Variants in BMPR1B observed in about 807,000 individuals in gnomAD.
BMPR1B encodes the protein bone morphogenetic protein receptor type-1B.
A neutral mutation model predicts 59.1 loss-of-function variants in BMPR1B; 12 were observed. The ratio of observed to expected loss-of-function variants is 0.20; its 90% CI spans 0.13 to 0.33. The LOEUF is 0.33. BMPR1B is among the 10% of genes least tolerant of loss of function. The pLI is 1.00. For missense variants in BMPR1B, 550 were observed against 610.9 expected, an observed-to-expected ratio of 0.90 and a Z score of 1.05; for synonymous variants, 237 against 207.3, an observed-to-expected ratio of 1.14 and a Z score of -1.23.
Position 94,823,993 on chromosome 4 carries a change from G to A in BMPR1B, c.-182-51838G>A, listed in dbSNP as rs549921560. Among the ~76,000 whole-genome samples, 5 of 152,236 alleles carry A rather than the reference G, an allele frequency of 3.3e-5. No individual in the cohort carries two copies. The East Asian group carries it at 5.8e-4, about 18-fold the overall frequency. On this transcript the variant is annotated intron_variant, in intron 1 of 12. Transcript: ENST00000515059. ...AATCTCCTGACCTTGCGATCCACCC[G>A]CCTTGGCCTCCCAAAGTGCTGGGAT...
chr4:94,839,347 G>T (rs1458878549), intron 1 of BMPR1B, among the ~76,000 whole-genome samples: 3 of 145,430 alleles, frequency 2.1e-5, no homozygotes, highest in Non-Finnish European at 3.0e-5. Context: ...TCTGTCTAAT[G>T]TTGACAGTGG....
chr4:95,128,182 A>T (rs1733044892), intron 8 of BMPR1B, among the ~76,000 whole-genome samples: 1 of 152,136 alleles, frequency 6.6e-6, no homozygotes, highest in African/African-American at 2.4e-5. Flanking sequence ...CACCGTGCCC[A>T]GACCTAATCC....
chr4:95,035,889 A>G (rs1725206249), intron 3 of BMPR1B, among the ~76,000 whole-genome samples: 1 of 152,192 alleles, frequency 6.6e-6, no homozygotes, highest in Non-Finnish European at 1.5e-5. Context: ...CATTTTCACA[A>G]TATTGATTCT....
chr4:94,797,089 A>T (rs1325004321), intron 1 of BMPR1B, among the ~76,000 whole-genome samples: 1 of 152,192 alleles, frequency 6.6e-6, no homozygotes, highest in East Asian at 1.9e-4. Context: ...AGAATCATGT[A>T]GAGGGTGAAG....
At chr4:94,849,959 TTTG>T (rs1290864570) in intron 1 of BMPR1B, among the ~76,000 whole-genome samples, 2 of 152,110 alleles carry the variant, frequency 1.3e-5, no homozygotes, top group Non-Finnish European at 2.9e-5. Flanking sequence ...TCTCTCTCCA[TTTG>T]TTCCAACCCT....
At chr4:94,975,762 A>G (rs190408252) in intron 2 of BMPR1B, among the ~76,000 whole-genome samples, 1 of 152,342 alleles carries the variant, frequency 6.6e-6, no homozygotes, top group East Asian at 1.9e-4. Context: ...CCAAAGATTT[A>G]TAGACAATGT....
intron 3 of BMPR1B, among the ~76,000 whole-genome samples, chr4:95,085,055 G>T (rs941067828): frequency 2.4e-4 from 37 of 152,270 alleles, no homozygotes; most frequent in African/African-American, 8.9e-4. Flanking sequence ...CTAAGCACAG[G>T]CATCTCAGGT....
At chr4:94,780,048 C>G (rs1722529973) in intron 1 of BMPR1B, among the ~76,000 whole-genome samples, 1 of 152,000 alleles carries the variant, frequency 6.6e-6, no homozygotes, top group Admixed American at 6.6e-5. Context: ...AGGATAGACT[C>G]AATTTGATCA....
At chr4:94,950,228 C>T (rs562143321) in intron 2 of BMPR1B, among the ~76,000 whole-genome samples, 4 of 152,090 alleles carry the variant, frequency 2.6e-5, no homozygotes, top group Non-Finnish European at 4.4e-5. Context: ...TTCTCCCATT[C>T]TGTAGGTTGC....
chr4:94,909,970 A>G (rs1728211000), intron 2 of BMPR1B, among the ~76,000 whole-genome samples: 4 of 152,066 alleles, frequency 2.6e-5, no homozygotes, highest in Non-Finnish European at 2.9e-5. Flanking sequence ...TTGTTTGCCA[A>G]CACCCTCATA....
intron 1 of BMPR1B, among the ~76,000 whole-genome samples, chr4:94,792,374 A>G (rs544771598): frequency 2.6e-4 from 39 of 152,126 alleles, no homozygotes; most frequent in Non-Finnish European, 4.1e-4. Context: ...CAGTTATTAG[A>G]TGGCTGCAGT....
intron 3 of BMPR1B, among the ~76,000 whole-genome samples, chr4:94,997,759 C>T (rs1422588403): frequency 6.6e-6 from 1 of 152,088 alleles, no homozygotes; most frequent in African/African-American, 2.4e-5. Flanking sequence ...ATCTAACTGG[C>T]TAAGTTCATC....
chr4:94,970,325 T>TC (rs1730739292), intron 2 of BMPR1B, among the ~76,000 whole-genome samples: 3 of 149,110 alleles, frequency 2.0e-5, no homozygotes, highest in African/African-American at 4.9e-5. Context: ...TCTTTCTCTC[T>TC]TTTTCTCTTT....
At chr4:95,132,159 G>T (rs1172930154) in intron 10 of BMPR1B, among the ~76,000 whole-genome samples, 1 of 152,106 alleles carries the variant, frequency 6.6e-6, no homozygotes, top group Non-Finnish European at 1.5e-5. Context: ...TCTCACAGAT[G>T]ATTTAATTCG....
At chr4:95,000,686 G>A (rs1407111669) in intron 3 of BMPR1B, among the ~76,000 whole-genome samples, 2 of 152,086 alleles carry the variant, frequency 1.3e-5, no homozygotes, top group Non-Finnish European at 2.9e-5. Context: ...CCAAGTTCCT[G>A]TTAGCCAGTG....
intron 3 of BMPR1B, among the ~76,000 whole-genome samples, chr4:95,061,897 T>G (rs1452101028): frequency 6.6e-6 from 1 of 152,102 alleles, no homozygotes; most frequent in Non-Finnish European, 1.5e-5. Context: ...TGGCGGTGGT[T>G]TTCCCCCTTG....
At chr4:94,793,684 T>G (rs1723070112) in intron 1 of BMPR1B, among the ~76,000 whole-genome samples, 1 of 145,722 alleles carries the variant, frequency 6.9e-6, no homozygotes, top group African/African-American at 2.5e-5. Flanking sequence ...CACCTGTTGT[T>G]TCCTGACTTT....
chr4:94,953,478 T>C (rs1411803103), intron 2 of BMPR1B, among the ~76,000 whole-genome samples: 2 of 152,222 alleles, frequency 1.3e-5, no homozygotes, highest in African/African-American at 4.8e-5. Context: ...TCCTTCAGCA[T>C]TTGCTTGTGT....
intron 1 of BMPR1B, among the ~76,000 whole-genome samples, chr4:94,805,478 AGT>A (rs1723572370): frequency 6.6e-6 from 1 of 152,170 alleles, no homozygotes; most frequent in South Asian, 2.1e-4. Context: ...TGAAAATAAG[AGT>A]GTTTTGTGAC....
Sources: allele counts gnomAD v4.1 joint callset (sites outside exome capture counted in the v4.1 genomes callset), GRCh38; gene constraint gnomAD v4.1.1; transcripts MANE v1.5; gene names NCBI Gene and HGNC (gene_info 2026-07-23, HGNC 2026-07-21).